PPP4R3B: variants seen among roughly 807,000 people sequenced by gnomAD.
PPP4R3B encodes protein phosphatase 4 regulatory subunit 3B.
Under a neutral mutation model 95.4 loss-of-function variants are expected in PPP4R3B, and 52 were observed. The ratio of observed to expected loss-of-function variants is 0.54; its 90% CI spans 0.44 to 0.69. The LOEUF is 0.69. PPP4R3B is among the 30% of genes least tolerant of loss of function. The pLI, the probability that PPP4R3B is intolerant of heterozygous loss-of-function variation, is 0.00. For missense variants in PPP4R3B, 1,003 were observed against 1,005.9 expected (o/e 1.00, Z 0.04); for synonymous variants, 407 against 343.9 (o/e 1.18, Z -2.03).
chr2:55,615,476 G>A lies in PPP4R3B; in HGVS notation c.173C>T (p.Pro58Leu), dbSNP rs199567326. ...GSLLLESKINPNTAYQKQQDT... is the reference protein window; with the variant it reads ...GSLLLESKINLNTAYQKQQDT... ...CTGTTGTTTCTGATATGCAGTATTT[G>A]GATTTATCTTTGATTCCAAGAGTAG... The change falls in exon 2 of 17, where the codon CCA becomes CTA. Residue 58 changes from proline (P) to leucine (L), a missense_variant. By Grantham distance (98) the Pro-to-Leu change is moderately conservative (BLOSUM62 -3). Around this residue, in one of 3 missense-constraint regions of PPP4R3B, gnomAD observed 695 missense variants for 686.2 expected, o/e 1.01. Coordinates refer to ENST00000616407, the MANE Select transcript of PPP4R3B (RefSeq NM_001122964.3). 20 of 1,592,446 alleles carry A rather than the reference G, an allele frequency of 1.3e-5. No individual in the cohort carries two copies. Among genetic ancestry groups the A allele is most frequent in the Admixed American group, 5.4e-5 (3 of 56,028 alleles).
At chr2:55,598,380 GA>G in intron 4 of PPP4R3B, 35 bp downstream of exon 4, 1 of 1,589,502 alleles carries the variant, frequency 6.3e-7, no homozygotes, top group Non-Finnish European at 8.5e-7. Context: ...CTAAATATCT[GA>G]AAAATGGAAT....
chr2:55,603,834 G>A (rs55715732), intron 3 of PPP4R3B, 144 bp downstream of exon 3: 1 of 516,670 alleles, frequency 1.9e-6, no homozygotes, highest in Non-Finnish European at 3.3e-6. Context: ...ATTTGCCGTA[G>A]AATATAAAAA....
At chr2:55,570,799 G>A (rs1687897468) in intron 12 of PPP4R3B, among the ~76,000 whole-genome samples, 1 of 152,170 alleles carries the variant, frequency 6.6e-6, no homozygotes, top group African/African-American at 2.4e-5. Flanking sequence ...CACCAAACAA[G>A]TATGGGGAGA....
chr2:55,579,201 C>T (rs532755638), intron 9 of PPP4R3B, among the ~76,000 whole-genome samples: 19 of 152,118 alleles, frequency 1.2e-4, no homozygotes, highest in African/African-American at 4.6e-4. Context: ...TATGGAAATG[C>T]AATTTTAAAA....
intron 13 of PPP4R3B, among the ~76,000 whole-genome samples, chr2:55,567,079 C>T (rs1053230138): frequency 5.9e-5 from 9 of 152,164 alleles, no homozygotes; most frequent in African/African-American, 1.4e-4. Context: ...GGAATGATTT[C>T]GGTGTGTTTA....
At chr2:55,560,610 C>G (rs71414563) in intron 15 of PPP4R3B, among the ~76,000 whole-genome samples, 3 of 151,846 alleles carry the variant, frequency 2.0e-5, no homozygotes, top group Non-Finnish European at 4.4e-5. Flanking sequence ...AACCCTGTCT[C>G]TACTAAAAAT....
chr2:55,566,670 A>C (rs1421438519), intron 13 of PPP4R3B, among the ~76,000 whole-genome samples: 1 of 152,220 alleles, frequency 6.6e-6, no homozygotes, highest in African/African-American at 2.4e-5. Flanking sequence ...GACTTGTAAG[A>C]AATAAAACTA....
chr2:55,611,231 A>C (rs970036175), intron 2 of PPP4R3B, among the ~76,000 whole-genome samples: 1 of 152,026 alleles, frequency 6.6e-6, no homozygotes, highest in Admixed American at 6.6e-5. Context: ...GCACAATCAT[A>C]GCACCCTACA....
chr2:55,586,695 A>C lies in PPP4R3B; in HGVS notation c.1039T>G (p.Leu347Val). ...AATGCATCCCTGTTTTGAGGTTGTA[A>C]TGTCTGAGAAAATGCACAAAACTCC... The part of the protein sequence containing the change: ...FKEFCAFSQT[L>V]QPQNRDAFFK... The change falls in exon 6 of 17, where the codon TTA becomes GTA. Residue 347 changes from leucine (L) to valine (V), a missense_variant. Coordinates refer to ENST00000616407, the MANE Select transcript of PPP4R3B (RefSeq NM_001122964.3). The C allele has an allele frequency of 6.2e-7, 1 of 1,607,604 alleles. No homozygotes were observed. Among genetic ancestry groups the C allele is most frequent in the Non-Finnish European group, 8.5e-7 (1 of 1,177,524 alleles).
chr2:55,558,835 T>C lies in PPP4R3B; in HGVS notation c.2394A>G (p.Ala798=), dbSNP rs934602747. ...SKSVVAQIPP[A]TSNGSSSKTT... The stretch of plus-strand genomic sequence containing the variant: ...TTTTGGAAGAGGATCCATTAGAAGT[T>C]GCTGGTGGTATCTGAGCCACTACAG... Residue 798 remains alanine (A), a synonymous_variant, in exon 16 of 17, where the codon GCA becomes GCG. Coordinates refer to ENST00000616407, the MANE Select transcript of PPP4R3B (RefSeq NM_001122964.3). 4 of 1,613,620 alleles carry C rather than the reference T, an allele frequency of 2.5e-6. No homozygotes were observed. In the African/African-American group the frequency reaches 5.3e-5, roughly 22 times the overall value.
chr2:55,578,157 C>A, intron 10 of PPP4R3B, 90 bp downstream of exon 10: 1 of 1,202,720 alleles, frequency 8.3e-7, no homozygotes, highest in Non-Finnish European at 1.1e-6. Flanking sequence ...AAATTTATAG[C>A]AACTTTGAAA....
chr2:55,573,006 A>G (rs1177669960), intron 12 of PPP4R3B, among the ~76,000 whole-genome samples: 1 of 152,204 alleles, frequency 6.6e-6, no homozygotes, highest in East Asian at 1.9e-4. Context: ...ACATGTGTGA[A>G]TATGTTTATT....
intron 11 of PPP4R3B, among the ~76,000 whole-genome samples, chr2:55,575,298 A>G (rs1342425950): frequency 2.1e-5 from 3 of 145,920 alleles, no homozygotes; most frequent in Admixed American, 2.0e-4. Flanking sequence ...CTACTGAATA[A>G]ACTTGCATTT....
intron 8 of PPP4R3B, among the ~76,000 whole-genome samples, chr2:55,580,157 T>C (rs919774796): frequency 2.0e-5 from 3 of 152,148 alleles, no homozygotes; most frequent in Non-Finnish European, 2.9e-5. Flanking sequence ...TGAAACGCAG[T>C]GAAGAACCAA....
chr2:55,596,060 C>G (rs988873856), intron 4 of PPP4R3B, among the ~76,000 whole-genome samples: 3 of 151,986 alleles, frequency 2.0e-5, no homozygotes, highest in Non-Finnish European at 2.9e-5. Flanking sequence ...CTCAAGGAGA[C>G]AGAATAAAAT....
chr2:55,598,892 C>G lies in PPP4R3B; in HGVS notation c.445G>C (p.Val149Leu). 1 of 1,614,148 alleles carries G rather than the reference C, an allele frequency of 6.2e-7. No individual in the cohort carries two copies. The highest frequency in any genetic ancestry group is 8.5e-7 in the Non-Finnish European group (1 of 1,180,026). Residue 149 changes from valine (V) to leucine (L), a missense_variant, in exon 4 of 17, where the codon GTT becomes CTT. Coordinates refer to ENST00000616407, the MANE Select transcript of PPP4R3B (RefSeq NM_001122964.3). ...ATAGGTGAGGAGAGCACTGAGGTAA[C>G]TAAGTCAGCAATCTCTTCAAGTTTA... ...LNKLEEIADL[V>L]TSVLSSPIRR...
At chr2:55,559,342 G>A (rs989878505) in intron 15 of PPP4R3B, among the ~76,000 whole-genome samples, 6 of 151,682 alleles carry the variant, frequency 4.0e-5, no homozygotes, top group African/African-American at 1.2e-4. Context: ...GCGAAACTCC[G>A]TCTCAAAAAA....
chr2:55,607,287 C>T (rs530984414), intron 2 of PPP4R3B, among the ~76,000 whole-genome samples: 111 of 152,272 alleles, frequency 7.3e-4, no homozygotes, highest in African/African-American at 2.2e-3. Context: ...ACTGTTTACC[C>T]GGAGACACTG....
chr2:55,595,182 CCTGG>C (rs1559024516), intron 4 of PPP4R3B, among the ~76,000 whole-genome samples: 1 of 151,966 alleles, frequency 6.6e-6, no homozygotes, highest in Non-Finnish European at 1.5e-5. Context: ...TGCCACTGTG[CCTGG>C]CTAATTTTTG....
Sources: allele counts gnomAD v4.1 joint callset (sites outside exome capture counted in the v4.1 genomes callset), GRCh38; gene constraint gnomAD v4.1.1; regional missense constraint gnomAD v4.1.1; transcripts MANE v1.5; gene names NCBI Gene and HGNC (gene_info 2026-07-23, HGNC 2026-07-21).